LRRFIP2: variants seen among roughly 807,000 people sequenced by gnomAD.
LRRFIP2 encodes LRR binding FLII interacting protein 2.
In LRRFIP2, 109 loss-of-function variants were observed where a neutral mutation model predicts 125.9. The ratio of observed to expected loss-of-function variants is 0.87; its 90% CI spans 0.74 to 1.01. The LOEUF (loss-of-function observed/expected upper bound fraction) is 1.01, where lower values mean the gene tolerates loss of function less well. Among genes scored for constraint, LRRFIP2 ranks in the 50% least tolerant of loss-of-function variants. The pLI, the probability that LRRFIP2 is intolerant of heterozygous loss-of-function variation, is 0.00. For synonymous variants in LRRFIP2, 291 were observed against 293.1 expected (o/e 0.99, Z 0.07); for missense variants, 850 against 862.3 (o/e 0.99, Z 0.18).
chr3:37,163,452 G>A (rs1208149229), intron 1 of LRRFIP2, among the ~76,000 whole-genome samples: 1 of 152,094 alleles, frequency 6.6e-6, no homozygotes, highest in African/African-American at 2.4e-5. Flanking sequence ...ATCTACCACA[G>A]TCCCTCTCTT....
At chr3:37,085,772 T>C (rs142901052) in intron 18 of LRRFIP2, among the ~76,000 whole-genome samples, 1,593 of 151,888 alleles carry the variant, frequency 0.01, 37 homozygotes, top group African/African-American at 0.036. Flanking sequence ...TTAGTAGAGA[T>C]GGGGTTTCAC....
At chr3:37,149,644 A>G (rs2150042040) in intron 1 of LRRFIP2, among the ~76,000 whole-genome samples, 1 of 152,362 alleles carries the variant, frequency 6.6e-6, no homozygotes, top group South Asian at 2.1e-4. Flanking sequence ...AGGTTTTACT[A>G]CTAAGCCTTA....
intron 16 of LRRFIP2, among the ~76,000 whole-genome samples, chr3:37,096,273 G>T (rs1197455463): frequency 1.3e-5 from 2 of 152,006 alleles, no homozygotes; most frequent in African/African-American, 2.4e-5. Flanking sequence ...ATATATAAAA[G>T]GAAAAAATAT....
intron 1 of LRRFIP2, among the ~76,000 whole-genome samples, chr3:37,167,949 C>A (rs1220293055): frequency 6.6e-6 from 1 of 152,126 alleles, no homozygotes; most frequent in Non-Finnish European, 1.5e-5. Context: ...GCATTCCAGT[C>A]TTGGTGACAG....
chr3:37,066,261 T>C lies in LRRFIP2; in HGVS notation c.1529A>G (p.Glu510Gly), dbSNP rs766100203. The change falls in exon 22 of 28, where the codon GAG (glutamate) becomes GGG (glycine). Residue 510 changes from glutamate to glycine, a missense_variant. By Grantham distance (98) the Glu-to-Gly change is moderately conservative. Transcript: ENST00000336686. ...LRNERDMLRE[E>G]LADLQETVKT... is the part of the protein sequence containing the mutation. The stretch of plus-strand genomic sequence containing the variant: ...CACTGTCTCCTGCAGGTCAGCCAGC[T>C]CCTCTCTGAGCATATCTCGCTCATT... The C allele has an allele frequency of 2.9e-5, 47 of 1,614,190 alleles. No homozygotes were observed. The Admixed American group carries it at 7.5e-4, about 26-fold the overall frequency.
chr3:37,119,951 C>A (rs766742537), intron 6 of LRRFIP2, among the ~76,000 whole-genome samples: 3 of 151,932 alleles, frequency 2.0e-5, no homozygotes, highest in Non-Finnish European at 4.4e-5. Flanking sequence ...TGTGAGCCAC[C>A]GCTCCCGGCC....
chr3:37,059,317 A>G (rs547285248), intron 24 of LRRFIP2, among the ~76,000 whole-genome samples: 1 of 152,232 alleles, frequency 6.6e-6, no homozygotes, highest in African/African-American at 2.4e-5. Flanking sequence ...TTTGAGACCG[A>G]CCTGGGCAAC....
chr3:37,095,298 A>G (rs1445943329), intron 16 of LRRFIP2, among the ~76,000 whole-genome samples: 8 of 152,172 alleles, frequency 5.3e-5, no homozygotes. Flanking sequence ...CCCCTTTTTA[A>G]TTTCTGAACT....
intron 2 of LRRFIP2, among the ~76,000 whole-genome samples, chr3:37,146,850 T>A (rs996787141): frequency 1.3e-5 from 2 of 151,886 alleles, no homozygotes; most frequent in Non-Finnish European, 2.9e-5. Context: ...GCAACAAAAG[T>A]AAGAATTGAC....
Position 37,066,243 on chromosome 3 carries a change from T to C in LRRFIP2, c.1547A>G (p.Glu516Gly). 6.2e-7 allele frequency: 1 copy of C among 1,614,116 alleles called. No homozygotes were observed. Among genetic ancestry groups the C allele is most frequent in the Non-Finnish European group, 8.5e-7 (1 of 1,179,960 alleles). ...MLREELADLQ[E>G]TVKTGEKHGL... ...ACATACCTCTCCCGTCTTCACTGTC[T>C]CCTGCAGGTCAGCCAGCTCCTCTCT... The change falls in exon 22 of 28, where the codon GAG becomes GGG. Residue 516 changes from glutamate to glycine, a missense_variant. Physicochemically the swap from Glu to Gly is moderately conservative, Grantham distance 98. Transcript: ENST00000336686.
intron 8 of LRRFIP2, among the ~76,000 whole-genome samples, chr3:37,112,172 A>G (rs1165858062): frequency 6.6e-6 from 1 of 152,026 alleles, no homozygotes; most frequent in African/African-American, 2.4e-5. Context: ...CCCCATCTCT[A>G]CAAAAATACA....
At chr3:37,162,995 C>G (rs1362915124) in intron 1 of LRRFIP2, among the ~76,000 whole-genome samples, 1 of 152,206 alleles carries the variant, frequency 6.6e-6, no homozygotes, top group Non-Finnish European at 1.5e-5. Context: ...AGAAGCAAAA[C>G]CACATAGAGC....
In LRRFIP2 at chr3:37,083,803, A is replaced by G; in HGVS notation, c.1111T>C (p.Ser371Pro). ...YMQGLKELKE[S>P]LSEVEEKYKK... Reference sequence around the variant, plus strand: ...TATTTTTCTTCCACTTCAGACAAAGATTCCTAAATGAGAGTTAAGTCATCA... The same window carrying G: ...TATTTTTCTTCCACTTCAGACAAAGGTTCCTAAATGAGAGTTAAGTCATCA... The change falls in exon 19 of 28, where the codon TCT (serine) becomes CCT (proline). Residue 371 changes from serine to proline, a missense_variant. Coordinates refer to ENST00000336686, the MANE Select transcript of LRRFIP2 (RefSeq NM_006309.4). 1 of 1,588,618 alleles carries G rather than the reference A, an allele frequency of 6.3e-7. No individual in the cohort carries two copies. Among genetic ancestry groups the G allele is most frequent in the East Asian group, 2.3e-5 (1 of 43,282 alleles).
rs767647414 is a variant in LRRFIP2 at position 37,148,931 on chromosome 3, GA to G, written c.52del (p.Ser18LeufsTer7). On this transcript the variant is annotated frameshift_variant, in exon 2 of 28. Coordinates refer to ENST00000336686, the MANE Select transcript of LRRFIP2 (RefSeq NM_006309.4). LOFTEE classifies it high-confidence loss of function. ...RKRTPVKDRF[S>X]AEDEALSNIA... ...GTTACTCAAAGCTTCATCTTCTGCA[GA>G]AAATCGGTCTTTCACAGGTGTTCTT... 1.2e-6 allele frequency: 2 copies of G among 1,614,142 alleles called. No homozygotes were observed. The highest frequency in any genetic ancestry group is 3.3e-5 in the Admixed American group (2 of 60,026).
intron 1 of LRRFIP2, among the ~76,000 whole-genome samples, chr3:37,151,084 G>C (rs2096008564): frequency 6.6e-6 from 1 of 152,156 alleles, no homozygotes; most frequent in Non-Finnish European, 1.5e-5. Context: ...CACCAGCTGG[G>C]CATGGTGGCT....
intron 3 of LRRFIP2, 31 bp downstream of exon 3, chr3:37,129,032 A>T (rs748115889): frequency 1.3e-6 from 2 of 1,589,814 alleles, no homozygotes; most frequent in South Asian, 2.2e-5. Flanking sequence ...GGGGAGACAA[A>T]TATGAAATTA....
intron 1 of LRRFIP2, among the ~76,000 whole-genome samples, chr3:37,154,835 C>T (rs1006285017): frequency 6.6e-6 from 1 of 152,204 alleles, no homozygotes; most frequent in Non-Finnish European, 1.5e-5. Context: ...ATTCTAAATA[C>T]AGGACACTTA....
At chr3:37,160,189 T>C (rs1192935685) in intron 1 of LRRFIP2, among the ~76,000 whole-genome samples, 2 of 150,796 alleles carry the variant, frequency 1.3e-5, no homozygotes, top group Non-Finnish European at 3.0e-5. Flanking sequence ...AGGGAGGGAG[T>C]AGGAAGTGTG....
At chr3:37,137,433 T>A (rs1353240124) in intron 2 of LRRFIP2, among the ~76,000 whole-genome samples, 2 of 152,328 alleles carry the variant, frequency 1.3e-5, no homozygotes, top group East Asian at 3.9e-4. Flanking sequence ...CTTACATCTT[T>A]ATAGTCCAAG....
Sources: allele counts gnomAD v4.1 joint callset (sites outside exome capture counted in the v4.1 genomes callset), GRCh38; gene constraint gnomAD v4.1.1; transcripts MANE v1.5; gene names NCBI Gene and HGNC (gene_info 2026-07-23, HGNC 2026-07-21).